The following EIF3A variants were observed in gnomAD, a reference collection of about 807,000 sequenced individuals.
EIF3A encodes the protein EIF3, p180 subunit.
A neutral mutation model predicts 186.6 loss-of-function variants in EIF3A; 21 were observed. The observed-to-expected ratio is 0.11, with a 90% CI of 0.08 to 0.16. EIF3A has a LOEUF of 0.16. EIF3A is among the 10% of genes least tolerant of loss of function. The probability of loss-of-function intolerance (pLI) is 1.00; values close to 1 mark genes in which losing one functional copy is unlikely to be tolerated. For missense variants in EIF3A, 1,306 were observed against 1,796.3 expected, an observed-to-expected ratio of 0.73 and a Z score of 4.93; for synonymous variants, 563 against 584.3, an observed-to-expected ratio of 0.96 and a Z score of 0.52.
chr10:119,064,978 G>A (rs1843948096), intron 7 of EIF3A, among the ~76,000 whole-genome samples: 1 of 152,164 alleles, frequency 6.6e-6, no homozygotes, highest in Admixed American at 6.5e-5. Context: ...CCAAAGTGCT[G>A]GGATTACAGA....
Position 119,037,145 on chromosome 10 carries a change from G to GGTC in EIF3A, c.3890_3892dup (p.Gly1297_Pro1298insArg). The stretch of plus-strand genomic sequence containing the variant: ...TTCTTCACGTTCTGATCTGAGTGGA[G>GGTC]GTCCTCTTCGGTCCCTGTCGTCTCT... On this transcript the variant is annotated inframe_insertion, in exon 21 of 22. Coordinates refer to ENST00000369144, the MANE Select transcript of EIF3A (RefSeq NM_003750.4). 1 of 1,612,962 alleles carries GGTC rather than the reference G, an allele frequency of 6.2e-7. No individual in the cohort carries two copies. The highest frequency in any genetic ancestry group is 1.1e-5 in the South Asian group (1 of 91,034).
At chr10:119,057,928 A>G (rs775594391) in intron 12 of EIF3A, 28 bp downstream of exon 12, 82 of 1,573,564 alleles carry the variant, frequency 5.2e-5, no homozygotes, top group Non-Finnish European at 7.0e-5. Context: ...GATAAAACTA[A>G]TTTTTTAATA....
Position 119,037,306 on chromosome 10 carries a change from A to G in EIF3A, c.3732T>C (p.Asp1244=), listed in dbSNP as rs1848145976. The part of the protein sequence containing the change: ...DREDRFRRPR[D]EGGWRRGPAE... Reference sequence around the variant, plus strand: ...CTGGTCCTCTTCTCCAGCCACCTTCATCCCTGTAGCCATTTACAATGACAG... The same window carrying G: ...CTGGTCCTCTTCTCCAGCCACCTTCGTCCCTGTAGCCATTTACAATGACAG... Residue 1244 remains aspartate (D), a synonymous_variant, in exon 21 of 22, where the codon GAT becomes GAC. Transcript: ENST00000369144. The G allele has an allele frequency of 6.2e-7, 1 of 1,613,772 alleles. No individual in the cohort carries two copies. Among genetic ancestry groups the G allele is most frequent in the Admixed American group, 1.7e-5 (1 of 59,974 alleles).
At chr10:119,077,579 G>A (rs2133425706) in intron 1 of EIF3A, among the ~76,000 whole-genome samples, 1 of 149,514 alleles carries the variant, frequency 6.7e-6, no homozygotes, top group African/African-American at 2.5e-5. Context: ...TTTGGAGAAG[G>A]AGTCTCGCTC....
At position 119,045,344 on chromosome 10, in the gene EIF3A, T is replaced by C. The variant is rs374870498; in HGVS notation, c.2659-1202A>G. On this transcript the variant is annotated intron_variant, in intron 17 of 21. Transcript: ENST00000369144. ...AAGACAAGAATGGTCAGAAAATAAA[T>C]TCGTCCCGGGTCATCACAGCTAATG... Among the ~76,000 whole-genome samples the C allele has an allele frequency of 3.9e-5, 6 of 152,254 alleles. No homozygotes were observed. The East Asian group carries it at 5.8e-4, about 15-fold the overall frequency.
intron 7 of EIF3A, among the ~76,000 whole-genome samples, chr10:119,062,684 T>C (rs1256598378): frequency 6.6e-6 from 1 of 151,974 alleles, no homozygotes; most frequent in Non-Finnish European, 1.5e-5. Flanking sequence ...CAATTGTAAA[T>C]GTCTTTCGCT....
intron 9 of EIF3A, 28 bp downstream of exon 9, chr10:119,060,718 A>C: frequency 1.3e-6 from 2 of 1,563,130 alleles, no homozygotes; most frequent in Non-Finnish European, 1.7e-6. Flanking sequence ...ATAACATCAC[A>C]AAACTTTTTT....
At chr10:119,048,684 T>A (rs575363001) in intron 17 of EIF3A, among the ~76,000 whole-genome samples, 1 of 150,558 alleles carries the variant, frequency 6.6e-6, no homozygotes, top group Non-Finnish European at 1.5e-5. Context: ...TTTTTTTTTT[T>A]CCCCTGAGAC....
chr10:119,053,107 T>A lies in EIF3A; in HGVS notation c.2197-1786A>T, dbSNP rs555412737. Among the ~76,000 whole-genome samples, 157 of 152,278 alleles carry A rather than the reference T, an allele frequency of 1.0e-3. 1 individual carries two copies. The highest frequency in any genetic ancestry group is 2.4e-3 in the Admixed American group (37 of 15,292). On this transcript the variant is annotated intron_variant, in intron 14 of 21. Transcript: ENST00000369144. ...ATGAGCAGCAATATTCTGAAAACTT[T>A]TTTTTTTGAGCAGTAGGTCTCAACA... is the stretch of plus-strand genomic sequence containing the variant.
intron 1 of EIF3A, among the ~76,000 whole-genome samples, chr10:119,076,769 C>T (rs1461078859): frequency 6.6e-6 from 1 of 151,818 alleles, no homozygotes; most frequent in African/African-American, 2.4e-5. Context: ...AACCTTGTCT[C>T]CACTAAAAAC....
chr10:119,047,976 C>T (rs1179960419), intron 17 of EIF3A, among the ~76,000 whole-genome samples: 3 of 152,056 alleles, frequency 2.0e-5, no homozygotes, highest in Non-Finnish European at 2.9e-5. Flanking sequence ...ACCTCCCAAG[C>T]AAAAGGAAGA....
chr10:119,076,432 A>G (rs1319798353), intron 1 of EIF3A, among the ~76,000 whole-genome samples: 1 of 152,130 alleles, frequency 6.6e-6, no homozygotes, highest in Non-Finnish European at 1.5e-5. Flanking sequence ...AATAATGACA[A>G]AACCCTTCAC....
chr10:119,069,611 A>G lies in EIF3A; in HGVS notation c.785T>C (p.Leu262Ser). The change falls in exon 6 of 22, where the codon TTG (leucine) becomes TCG (serine). Residue 262 changes from leucine (L) to serine (S), a missense_variant. Physicochemically the swap from Leu to Ser is moderately radical, Grantham distance 145. Coordinates refer to ENST00000369144, the MANE Select transcript of EIF3A (RefSeq NM_003750.4). ...CTGAGGTTTAGGTGGTTTTTTAGAC[A>G]AGGAGAATAGCCCGTGAATATCTTC... ...AVEDIHGLFS[L>S]SKKPPKPQLM... The G allele has an allele frequency of 6.2e-7, 1 of 1,600,516 alleles. No individual in the cohort carries two copies. The highest frequency in any genetic ancestry group is 8.6e-7 in the Non-Finnish European group (1 of 1,167,716).
intron 1 of EIF3A, among the ~76,000 whole-genome samples, chr10:119,074,204 G>A (rs1224178339): frequency 2.0e-5 from 3 of 152,304 alleles, no homozygotes; most frequent in Non-Finnish European, 2.9e-5. Flanking sequence ...AGTGGCTCAT[G>A]CCTGTAATCC....
Position 119,050,517 on chromosome 10 carries a change from G to T in EIF3A, c.2473+4C>A, listed in dbSNP as rs1415046898. 2 of 1,613,544 alleles carry T rather than the reference G, an allele frequency of 1.2e-6. No individual in the cohort carries two copies. Among genetic ancestry groups the T allele is most frequent in the Non-Finnish European group, 1.7e-6 (2 of 1,179,696 alleles). ...ACCCCTCCAATCCTGTTTGACCTGT[G>T]TACCTTTTAGCATTTGTTCTTCTGC... On this transcript the variant is annotated splice_donor_region_variant and intron_variant, in intron 16 of 21. Transcript: ENST00000369144.
chr10:119,059,905 A>AT, intron 9 of EIF3A, 187 bp from the exon 10 acceptor site: 1 of 635,380 alleles, frequency 1.6e-6, no homozygotes, highest in South Asian at 1.7e-5. Flanking sequence ...AACCATTATC[A>AT]TACTATTCCT....
intron 16 of EIF3A, 146 bp from the exon 17 acceptor site, chr10:119,050,131 A>G (rs913117963): frequency 3.9e-5 from 31 of 794,560 alleles, no homozygotes; most frequent in Admixed American, 2.7e-5. Flanking sequence ...AGGACAGAAC[A>G]TAGTCAAGAA....
intron 1 of EIF3A, among the ~76,000 whole-genome samples, chr10:119,079,854 G>C (rs1396178486): frequency 6.6e-6 from 1 of 152,186 alleles, no homozygotes; most frequent in African/African-American, 2.4e-5. Context: ...AGTGACCTTG[G>C]GGAAACCTCT....
In EIF3A at chr10:119,059,253, G is replaced by C. The variant is rs1843843484; in HGVS notation, c.1588C>G (p.Leu530Val). 1 of 1,614,174 alleles carries C rather than the reference G, an allele frequency of 6.2e-7. No individual in the cohort carries two copies. Among genetic ancestry groups the C allele is most frequent in the Non-Finnish European group, 8.5e-7 (1 of 1,180,024 alleles). Reference sequence around the variant, plus strand: ...TTAATGACTTCAAGTGCTTTTGCAAGTACTGAGGACATGGCTGTCAGCTGG... The same window carrying C: ...TTAATGACTTCAAGTGCTTTTGCAACTACTGAGGACATGGCTGTCAGCTGG... Reference protein sequence around the residue: ...RNQLTAMSSVLAKALEVIKPA... With the variant: ...RNQLTAMSSVVAKALEVIKPA... Residue 530 changes from leucine to valine, a missense_variant, in exon 11 of 22, where the codon CTT becomes GTT. This residue lies in a region of EIF3A where 44 missense variants were observed against 43.4 expected (regional missense o/e 1.01). Coordinates refer to ENST00000369144, the MANE Select transcript of EIF3A (RefSeq NM_003750.4).
Sources: allele counts gnomAD v4.1 joint callset (sites outside exome capture counted in the v4.1 genomes callset), GRCh38; gene constraint gnomAD v4.1.1; regional missense constraint gnomAD v4.1.1; transcripts MANE v1.5; gene names NCBI Gene and HGNC (gene_info 2026-07-23, HGNC 2026-07-21).